E2F2: variants seen among roughly 807,000 people sequenced by gnomAD.
E2F2 encodes E2F transcription factor 2, also known as transcription factor E2F2.
E2F2 carries 22 observed loss-of-function variants against 42.2 expected under a neutral mutation model. The ratio of observed to expected loss-of-function variants is 0.52; its 90% CI spans 0.37 to 0.74. E2F2 has a LOEUF of 0.74. E2F2 is among the 30% of genes least tolerant of loss of function. E2F2 has a pLI of 0.00. For missense variants in E2F2, 481 were observed against 557.8 expected, an observed-to-expected ratio of 0.86 and a Z score of 1.39; for synonymous variants, 248 against 251.6, an observed-to-expected ratio of 0.99 and a Z score of 0.13.
At chr1:23,523,300 G>A (rs186104340) in intron 2 of E2F2, among the ~76,000 whole-genome samples, 1 of 152,202 alleles carries the variant, frequency 6.6e-6, no homozygotes, top group Admixed American at 6.5e-5. Context: ...GGGATTACAG[G>A]CATGCGCCAC....
At chr1:23,523,919 C>T (rs2124256382) in intron 2 of E2F2, among the ~76,000 whole-genome samples, 1 of 151,904 alleles carries the variant, frequency 6.6e-6, no homozygotes, top group East Asian at 1.9e-4. Context: ...ACTAAAAATA[C>T]AAAAATTAGG....
In E2F2 at chr1:23,507,209, C is replaced by A. The variant is rs1388362395; in HGVS notation, c.*2671G>T. On this transcript the variant is annotated 3_prime_UTR_variant, in exon 7 of 7. Transcript: ENST00000361729. ...TCTCTTACCCTCGTTTTAAAGTCTACCTGGTCCCTAAAGAAAATACCACTC... is the reference window on the plus strand; with the variant it reads ...TCTCTTACCCTCGTTTTAAAGTCTAACTGGTCCCTAAAGAAAATACCACTC... 3.9e-5 allele frequency: 6 copies of A among 152,170 alleles called. No homozygotes were observed. In the East Asian group the frequency reaches 1.2e-3, roughly 29 times the overall value. 9.4% of individuals were successfully genotyped at this position (152,170 alleles called of 1,614,324 possible).
Position 23,509,830 on chromosome 1 carries a change from C to G in E2F2, c.*50G>C. 1.3e-6 allele frequency: 2 copies of G among 1,506,162 alleles called. No homozygotes were observed. Among genetic ancestry groups the G allele is most frequent in the Non-Finnish European group, 1.8e-6 (2 of 1,125,906 alleles). 93.3% of individuals were successfully genotyped at this position (1,506,162 alleles called of 1,614,324 possible). ...GCAGGCAGAGGGGCTGTCAGCCTGT[C>G]TGTGAGGAGGTAGAGTCGGGGGCAG... On this transcript the variant is annotated 3_prime_UTR_variant, in exon 7 of 7. Transcript: ENST00000361729.
In E2F2 at chr1:23,507,482, C is replaced by A. The variant is rs12076692; in HGVS notation, c.*2398G>T. 4,138 of 150,588 alleles carry A rather than the reference C, an allele frequency of 0.027. 177 individuals are homozygous for A. Among genetic ancestry groups the A allele is most frequent in the African/African-American group, 0.095 (3,843 of 40,656 alleles). The allele number at this position is 150,588 out of a possible 1,614,324, so 9.3% of individuals were successfully genotyped here. A position where few individuals can be genotyped will look rare whatever the true frequency, so the allele number is the denominator to read the frequency against. On this transcript the variant is annotated 3_prime_UTR_variant, in exon 7 of 7. Transcript: ENST00000361729. ...AGTGAGCCGAGATCAGGCCACTGCA[C>A]TCCAGCCTGGGCAACAGAGCGAGAC...
At chr1:23,510,670 A>G (rs1389572170) in intron 6 of E2F2, among the ~76,000 whole-genome samples, 1 of 152,234 alleles carries the variant, frequency 6.6e-6, no homozygotes, top group Non-Finnish European at 1.5e-5. Flanking sequence ...TGAGGACATT[A>G]AACTATGTGA....
At chr1:23,519,347 C>A in intron 4 of E2F2, 2 of 364,528 alleles carry the variant, frequency 5.5e-6, no homozygotes, top group East Asian at 4.3e-5. Flanking sequence ...AAAAATGTTG[C>A]CTTACATTAT....
In E2F2 at chr1:23,516,799, G is replaced by GGA. The variant is rs941364305; in HGVS notation, c.853-273_853-272insTC. ...CTCTCAGGTCATCTAGTTTTGGGGCGGGGGGGGGGGGGCAGCACCCTTCCC... is the reference window on the plus strand; with the variant it reads ...CTCTCAGGTCATCTAGTTTTGGGGCGGAGGGGGGGGGGGGCAGCACCCTTCCC... On this transcript the variant is annotated intron_variant, in intron 5 of 6. Coordinates refer to ENST00000361729, the MANE Select transcript of E2F2 (RefSeq NM_004091.4). Among the ~76,000 whole-genome samples the GGA allele has an allele frequency of 1.0e-3, 22 of 21,236 alleles. 1 individual carries two copies. The highest frequency in any genetic ancestry group is 2.0e-3 in the African/African-American group (20 of 10,102). 13.9% of individuals were successfully genotyped at this position (21,236 alleles called of 152,430 possible). A position where few individuals can be genotyped will look rare whatever the true frequency, so the allele number is the denominator to read the frequency against.
chr1:23,513,748 G>A (rs1642961230), intron 6 of E2F2, among the ~76,000 whole-genome samples: 1 of 152,086 alleles, frequency 6.6e-6, no homozygotes, highest in South Asian at 2.1e-4. Flanking sequence ...GCCATGACAT[G>A]AGAGCTGGCC....
At chr1:23,521,132 C>CA (rs1558249017) in intron 3 of E2F2, 61 bp from the exon 4 acceptor site, 3 of 1,483,138 alleles carry the variant, frequency 2.0e-6, no homozygotes, top group Non-Finnish European at 2.7e-6. Context: ...CAAGGTCATT[C>CA]AAAAAATAGT....
At chr1:23,526,896 C>G (rs1233234145) in intron 1 of E2F2, among the ~76,000 whole-genome samples, 1 of 150,716 alleles carries the variant, frequency 6.6e-6, no homozygotes, top group Non-Finnish European at 1.5e-5. Flanking sequence ...TCTCTCTTTT[C>G]TCACTCTCCT....
chr1:23,520,887 C>T, intron 4 of E2F2, 26 bp downstream of exon 4: 1 of 1,530,298 alleles, frequency 6.5e-7, no homozygotes, highest in East Asian at 2.5e-5. Flanking sequence ...TGCTCCCTGA[C>T]ACCTTCCCCC....
At chr1:23,528,230 T>C (rs1643281223) in intron 1 of E2F2, among the ~76,000 whole-genome samples, 1 of 152,148 alleles carries the variant, frequency 6.6e-6, no homozygotes, top group African/African-American at 2.4e-5. Flanking sequence ...GAGATCTGGG[T>C]TGTGGCCTTC....
At position 23,512,218 on chromosome 1, in the gene E2F2, T is replaced by C. The variant is rs751184097; in HGVS notation, c.1046-2070A>G. Among the ~76,000 whole-genome samples, 65 of 152,020 alleles carry C rather than the reference T, an allele frequency of 4.3e-4. No individual in the cohort carries two copies. The Middle Eastern group carries it at 0.014, about 32-fold the overall frequency. ...GTGTCTCAAAATAAAAATAAATAAA[T>C]AAACAAACAAATAAATAAATAAGCA... On this transcript the variant is annotated intron_variant, in intron 6 of 6. Transcript: ENST00000361729.
At position 23,524,818 on chromosome 1, in the gene E2F2, C is replaced by T. The variant is rs3218151; in HGVS notation, c.253-330G>A. Reference sequence around the variant, plus strand: ...AGCCGGCTCCTATACCTGCTCCTCACCCCACCACACCCAGAGGATGATACC... The same window carrying T: ...AGCCGGCTCCTATACCTGCTCCTCATCCCACCACACCCAGAGGATGATACC... On this transcript the variant is annotated intron_variant, in intron 1 of 6. Transcript: ENST00000361729. Among the ~76,000 whole-genome samples the T allele has an allele frequency of 5.5e-3, 844 of 152,364 alleles. 7 individuals are homozygous for T. Among genetic ancestry groups the T allele is most frequent in the African/African-American group, 0.018 (757 of 41,582 alleles).
At chr1:23,513,616 G>A (rs1642958089) in intron 6 of E2F2, among the ~76,000 whole-genome samples, 1 of 149,932 alleles carries the variant, frequency 6.7e-6, no homozygotes, top group Non-Finnish European at 1.5e-5. Context: ...GTGTGTCTGT[G>A]CAGGAGAATC....
At chr1:23,520,134 T>C (rs368640981) in intron 4 of E2F2, among the ~76,000 whole-genome samples, 2 of 142,286 alleles carry the variant, frequency 1.4e-5, no homozygotes, top group African/African-American at 5.4e-5. Flanking sequence ...TAATCCCAGC[T>C]ACTTAGGAGG....
Position 23,530,530 on chromosome 1 carries a change from C to A in E2F2, c.252+12G>T. ...AAGCATAGGGGGAAGCGGTGGGGGC[C>A]CCCAGCATTACCGGCAGCCGGCCTG... On this transcript the variant is annotated intron_variant, in intron 1 of 6. Transcript: ENST00000361729. This position sits in a 1 kb window ranked among gnomAD's most constrained non-coding sequence, Gnocchi z 4.4. 2 of 1,610,738 alleles carry A rather than the reference C, an allele frequency of 1.2e-6. No homozygotes were observed. The highest frequency in any genetic ancestry group is 1.7e-5 in the Admixed American group (1 of 59,900).
intron 6 of E2F2, among the ~76,000 whole-genome samples, chr1:23,510,395 G>A (rs755497549): frequency 1.3e-5 from 2 of 152,016 alleles, no homozygotes; most frequent in Admixed American, 6.6e-5. Context: ...TTGTGATCTT[G>A]GTTCACTGCA....
At chr1:23,512,926 C>T (rs1642938542) in intron 6 of E2F2, among the ~76,000 whole-genome samples, 1 of 151,638 alleles carries the variant, frequency 6.6e-6, no homozygotes, top group African/African-American at 2.4e-5. Flanking sequence ...GACTATTGTG[C>T]CTCAGCCTCC....
Sources: allele counts gnomAD v4.1 joint callset (sites outside exome capture counted in the v4.1 genomes callset), GRCh38; gene constraint gnomAD v4.1.1; non-coding constraint Gnocchi (gnomAD v3.1); transcripts MANE v1.5; gene names NCBI Gene and HGNC (gene_info 2026-07-23, HGNC 2026-07-21).